ANKS1B: variants seen among roughly 807,000 people sequenced by gnomAD.
ANKS1B encodes ankyrin repeat and sterile alpha motif domain-containing protein 1B.
Under a neutral mutation model 148.3 loss-of-function variants are expected in ANKS1B, and 36 were observed. The ratio of observed to expected loss-of-function variants is 0.24; its 90% CI spans 0.19 to 0.32. The LOEUF is 0.32. Ranked by LOEUF, ANKS1B falls within the 10% of genes least tolerant of loss-of-function variation. The pLI is 1.00. For missense variants in ANKS1B, 1,157 were observed against 1,542.6 expected, an observed-to-expected ratio of 0.75 and a Z score of 4.19; for synonymous variants, 542 against 560.8, an observed-to-expected ratio of 0.97 and a Z score of 0.47.
chr12:99,258,547 T>C (rs955453842), intron 12 of ANKS1B, among the ~76,000 whole-genome samples: 8 of 151,540 alleles, frequency 5.3e-5, no homozygotes, highest in Non-Finnish European at 8.8e-5. Context: ...TGTCAACTTG[T>C]CTCAACAAGC....
intron 12 of ANKS1B, among the ~76,000 whole-genome samples, chr12:99,369,254 A>G (rs73151112): frequency 0.13 from 19,923 of 152,206 alleles, 1,356 homozygotes; most frequent in African/African-American, 0.18. Context: ...TGCTTAAGCT[A>G]GATGTGCCCA....
chr12:98,802,351 G>A (rs1462095735), intron 20 of ANKS1B, among the ~76,000 whole-genome samples: 7 of 152,118 alleles, frequency 4.6e-5, no homozygotes, highest in Non-Finnish European at 1.0e-4. Flanking sequence ...AATTTTGGAT[G>A]CAGTTGTATG....
chr12:99,236,096 G>A (rs1453461610), intron 14 of ANKS1B, among the ~76,000 whole-genome samples: 1 of 152,192 alleles, frequency 6.6e-6, no homozygotes, highest in African/African-American at 2.4e-5. Flanking sequence ...AAGTGATTCT[G>A]ATGCAAGTGA....
chr12:99,285,443 AT>A (rs1164265876), intron 12 of ANKS1B, among the ~76,000 whole-genome samples: 1 of 152,182 alleles, frequency 6.6e-6, no homozygotes, highest in Admixed American at 6.5e-5. Flanking sequence ...AACTCATTCT[AT>A]CGCCATTTGT....
chr12:98,819,275 A>G (rs1048716960), intron 19 of ANKS1B, among the ~76,000 whole-genome samples: 4 of 152,240 alleles, frequency 2.6e-5, no homozygotes, highest in African/African-American at 9.6e-5. Flanking sequence ...GGAAATTTTC[A>G]TGAAGAAAAG....
At chr12:98,769,876 A>G (rs546638157) in intron 25 of ANKS1B, among the ~76,000 whole-genome samples, 1 of 152,368 alleles carries the variant, frequency 6.6e-6, no homozygotes, top group East Asian at 1.9e-4. Flanking sequence ...AACACGGTCT[A>G]GAGGCAGCAA....
intron 1 of ANKS1B, among the ~76,000 whole-genome samples, chr12:99,962,851 T>C (rs2095432992): frequency 6.7e-6 from 1 of 150,126 alleles, no homozygotes; most frequent in Non-Finnish European, 1.5e-5. Context: ...TCTCGCTCTG[T>C]CGCCCAGGCT....
chr12:99,553,619 C>T (rs1323392953), intron 9 of ANKS1B, among the ~76,000 whole-genome samples: 1 of 152,168 alleles, frequency 6.6e-6, no homozygotes, highest in East Asian at 1.9e-4. Context: ...GGCTGTATTC[C>T]AATAAAACTT....
chr12:99,772,115 G>C (rs1244334956), intron 8 of ANKS1B, among the ~76,000 whole-genome samples: 1 of 151,852 alleles, frequency 6.6e-6, no homozygotes, highest in Non-Finnish European at 1.5e-5. Flanking sequence ...ACAAAAAGTA[G>C]GTTTAAATAT....
At chr12:99,668,717 TTA>T (rs912883068) in intron 8 of ANKS1B, among the ~76,000 whole-genome samples, 5 of 143,874 alleles carry the variant, frequency 3.5e-5, no homozygotes, top group Admixed American at 2.8e-4. Context: ...ATTGTTTTTG[TTA>T]TTTTTTTTTG....
At chr12:99,557,023 A>G (rs1264105567) in intron 9 of ANKS1B, among the ~76,000 whole-genome samples, 1 of 152,156 alleles carries the variant, frequency 6.6e-6, no homozygotes, top group Non-Finnish European at 1.5e-5. Context: ...TCAATGGTAC[A>G]ACACTGTAAG....
intron 14 of ANKS1B, among the ~76,000 whole-genome samples, chr12:99,188,874 G>A (rs777105787): frequency 5.3e-5 from 8 of 151,972 alleles, no homozygotes; most frequent in Non-Finnish European, 1.0e-4. Flanking sequence ...ACAGAGACAC[G>A]AAATACCCTT....
chr12:99,890,694 T>G (rs921968773), intron 1 of ANKS1B, among the ~76,000 whole-genome samples: 2 of 151,388 alleles, frequency 1.3e-5, no homozygotes, highest in Non-Finnish European at 2.9e-5. Flanking sequence ...GACTATGTAC[T>G]AGAAACCATG....
intron 14 of ANKS1B, among the ~76,000 whole-genome samples, chr12:99,231,720 C>T (rs1015161197): frequency 6.6e-6 from 1 of 151,982 alleles, no homozygotes; most frequent in Non-Finnish European, 1.5e-5. Flanking sequence ...CTATCAGCTG[C>T]ACTGGTGACA....
chr12:99,625,883 G>A (rs751015424), intron 9 of ANKS1B, among the ~76,000 whole-genome samples: 1 of 152,068 alleles, frequency 6.6e-6, no homozygotes, highest in South Asian at 2.1e-4. Flanking sequence ...TTGGTTTCTA[G>A]TGGTGGCTGA....
At chr12:99,598,243 T>C (rs1200409318) in intron 9 of ANKS1B, among the ~76,000 whole-genome samples, 1 of 152,080 alleles carries the variant, frequency 6.6e-6, no homozygotes, top group African/African-American at 2.4e-5. Context: ...GACTTAATAG[T>C]AGCCAGGCAC....
chr12:99,485,698 T>G (rs1432526080), intron 10 of ANKS1B, among the ~76,000 whole-genome samples: 1 of 152,154 alleles, frequency 6.6e-6, no homozygotes. Context: ...AATCCCATAT[T>G]TCTTGAAGAC....
At chr12:99,318,248 T>A (rs893867439) in intron 12 of ANKS1B, among the ~76,000 whole-genome samples, 4 of 152,238 alleles carry the variant, frequency 2.6e-5, no homozygotes, top group African/African-American at 9.6e-5. Context: ...TGGTACCAGC[T>A]CCTCTTTGTA....
chr12:99,701,303 G>A lies in ANKS1B; in HGVS notation c.1129-46093C>T, dbSNP rs1307162022. ...AATGTATTATCTCTTGGAATCCAGGGAAATGCTAAACAATAGTATATAGAT... is the reference window on the plus strand; with the variant it reads ...AATGTATTATCTCTTGGAATCCAGGAAAATGCTAAACAATAGTATATAGAT... On this transcript the variant is annotated intron_variant, in intron 8 of 26. Coordinates refer to ENST00000683438, the MANE Select transcript of ANKS1B (RefSeq NM_001352186.2). Among the ~76,000 whole-genome samples, 4 of 152,040 alleles carry A rather than the reference G, an allele frequency of 2.6e-5. No homozygotes were observed. In the East Asian group the frequency reaches 7.7e-4, roughly 29 times the overall value.
Sources: gnomAD v4.1 joint callset for allele counts (sites outside exome capture counted in the v4.1 genomes callset) on GRCh38, gnomAD v4.1.1 for gene constraint, MANE v1.5 for transcripts, NCBI Gene and HGNC (gene_info 2026-07-23, HGNC 2026-07-21) for gene names.